Variants in LCT observed in about 807,000 individuals in gnomAD.
LCT encodes lactase/phlorizin hydrolase.
LCT carries 90 observed loss-of-function variants against 173.0 expected under a neutral mutation model. The ratio of observed to expected loss-of-function variants is 0.52; its 90% CI spans 0.44 to 0.62. The LOEUF is 0.62. LCT is among the 20% of genes least tolerant of loss of function. The probability of loss-of-function intolerance (pLI) is 0.00; values close to 1 mark genes in which losing one functional copy is unlikely to be tolerated. For missense variants in LCT, 1,864 were observed against 2,431.4 expected (o/e 0.77, Z 4.91); for synonymous variants, 853 against 957.6 (o/e 0.89, Z 2.02).
At chr2:135,835,356 A>T (rs1355898936) in intron 1 of LCT, among the ~76,000 whole-genome samples, 1 of 151,272 alleles carries the variant, frequency 6.6e-6, no homozygotes, top group East Asian at 1.9e-4. Flanking sequence ...GCCTCAAGCA[A>T]TCCCCCTGCC....
At position 135,790,761 on chromosome 2, in the gene LCT, T is replaced by C. The variant is rs1389449376; in HGVS notation, c.5232A>G (p.Pro1744=). Residue 1744 remains proline, a synonymous_variant, in exon 15 of 17, where the codon CCA becomes CCG. Coordinates refer to ENST00000264162, the MANE Select transcript of LCT (RefSeq NM_002299.4). The surrounding 1 kb of genome is among the most constrained non-coding windows in gnomAD (Gnocchi z 4.1). ...NWLKEEYNDP[P]IYVTENGVSQ... Reference sequence around the variant, plus strand: ...ACACTCCATTCTCTGTGACATAAATTGGAGGGTCATTGTATTCCTCCTTTA... The same window carrying C: ...ACACTCCATTCTCTGTGACATAAATCGGAGGGTCATTGTATTCCTCCTTTA... The C allele has an allele frequency of 6.2e-7, 1 of 1,613,894 alleles. No individual in the cohort carries two copies. The highest frequency in any genetic ancestry group is 1.7e-5 in the Admixed American group (1 of 60,020).
intron 1 of LCT, among the ~76,000 whole-genome samples, chr2:135,835,438 A>G (rs1220911712): frequency 6.9e-6 from 1 of 144,298 alleles, no homozygotes; most frequent in East Asian, 2.0e-4. Flanking sequence ...TAAAATGAGA[A>G]TATAGTCATA....
At chr2:135,805,210 C>T (rs1423636178) in intron 9 of LCT, among the ~76,000 whole-genome samples, 153 bp from the exon 10 acceptor site, 2 of 152,164 alleles carry the variant, frequency 1.3e-5, no homozygotes, top group East Asian at 1.9e-4. Context: ...TGGTGGCTCA[C>T]GCCGGCAACC....
chr2:135,822,195 A>G, intron 4 of LCT, 97 bp from the exon 5 acceptor site: 1 of 795,072 alleles, frequency 1.3e-6, no homozygotes. Flanking sequence ...GACACACCCA[A>G]ACTCCAAGCA....
At chr2:135,796,252 T>C (rs1318164085) in intron 13 of LCT, among the ~76,000 whole-genome samples, 2 of 152,240 alleles carry the variant, frequency 1.3e-5, no homozygotes, top group East Asian at 3.8e-4. Context: ...ACTTTCATCT[T>C]GACCTTTCTG....
Position 135,809,689 on chromosome 2 carries a change from C to A in LCT, c.2658G>T (p.Lys886Asn), listed in dbSNP as rs769460318. 6.2e-7 allele frequency: 1 copy of A among 1,614,134 alleles called. No individual in the cohort carries two copies. Among genetic ancestry groups the A allele is most frequent in the African/African-American group, 1.3e-5 (1 of 74,952 alleles). ...VPSKAKVVWE[K>N]FSSQPKFERD... The stretch of plus-strand genomic sequence containing the variant: ...TTTCGAACTTGGGTTGGCTGGAGAA[C>A]TTTTCCCAAACGACTTTAGCCTTGG... The change falls in exon 8 of 17, where the codon AAG becomes AAT. Residue 886 changes from lysine to asparagine, a missense_variant. By Grantham distance (94) the Lys-to-Asn change is moderately conservative. Around this residue, in one of 4 missense-constraint regions of LCT, gnomAD observed 755 missense variants for 926.3 expected, o/e 0.82. Coordinates refer to ENST00000264162, the MANE Select transcript of LCT (RefSeq NM_002299.4). The surrounding 1 kb of genome is among the most constrained non-coding windows in gnomAD (Gnocchi z 5.5).
intron 6 of LCT, among the ~76,000 whole-genome samples, chr2:135,815,104 C>G (rs1238314061): frequency 1.3e-5 from 2 of 152,156 alleles, no homozygotes; most frequent in Non-Finnish European, 2.9e-5. Context: ...CACCAGAACC[C>G]AAACATGCTG....
intron 11 of LCT, among the ~76,000 whole-genome samples, chr2:135,801,894 G>T (rs745865857): frequency 6.6e-6 from 1 of 152,012 alleles, no homozygotes; most frequent in Non-Finnish European, 1.5e-5. Flanking sequence ...TTTGAGACAG[G>T]GTCATGCACT....
At chr2:135,825,006 A>G (rs970826781) in intron 3 of LCT, among the ~76,000 whole-genome samples, 2 of 151,716 alleles carry the variant, frequency 1.3e-5, no homozygotes, top group African/African-American at 2.4e-5. Flanking sequence ...AAAAAAAAAA[A>G]AAAGAAAAAG....
Position 135,817,706 on chromosome 2 carries a change from C to A in LCT, c.1342G>T (p.Ala448Ser). Residue 448 changes from alanine to serine, a missense_variant, in exon 6 of 17, where the codon GCT (alanine) becomes TCT (serine). By Grantham distance (99) the Ala-to-Ser change is moderately conservative. This residue lies in a region of LCT where 183 missense variants were observed against 293.1 expected (regional missense o/e 0.62). Transcript: ENST00000264162. ...SDVALLCGLR[A>S]QVYKFSISWS... The stretch of plus-strand genomic sequence containing the variant: ...GAGATGGAGAACTTGTACACCTGAG[C>A]CCGGAGGCCGCAAAGCAGGGCGACG... 6.2e-7 allele frequency: 1 copy of A among 1,613,960 alleles called. No individual in the cohort carries two copies. The highest frequency in any genetic ancestry group is 8.5e-7 in the Non-Finnish European group (1 of 1,180,034).
intron 5 of LCT, among the ~76,000 whole-genome samples, chr2:135,818,430 C>A (rs1029564612): frequency 6.6e-6 from 1 of 152,186 alleles, no homozygotes; most frequent in Non-Finnish European, 1.5e-5. Context: ...CTTGATTCTG[C>A]GCTGGCCACT....
intron 9 of LCT, among the ~76,000 whole-genome samples, chr2:135,805,504 A>T (rs1351217622): frequency 1.3e-5 from 2 of 152,220 alleles, no homozygotes; most frequent in African/African-American, 2.4e-5. Context: ...TTTCTTGCAC[A>T]AAATAAAACC....
intron 13 of LCT, among the ~76,000 whole-genome samples, chr2:135,796,941 A>AT (rs997582132): frequency 0.064 from 7,561 of 118,718 alleles, 585 homozygotes; most frequent in African/African-American, 0.17. Flanking sequence ...TGGGAGCTGG[A>AT]TTTTTTTTTT....
chr2:135,794,947 G>A lies in LCT; in HGVS notation c.4977-172C>T, dbSNP rs3213892. On this transcript the variant is annotated intron_variant, in intron 13 of 16. Transcript: ENST00000264162. The stretch of plus-strand genomic sequence containing the variant: ...CTTCAGGCGGTGCAGGAAGCACTGC[G>A]GCTCCTCCAGCCAGACCATAAACCT... Among the ~76,000 whole-genome samples the A allele has an allele frequency of 0.19, 28,636 of 151,274 alleles. 3,002 individuals are homozygous for A. Among genetic ancestry groups the A allele is most frequent in the Middle Eastern group, 0.39 (116 of 294 alleles).
chr2:135,789,963 A>G (rs1172532884), intron 15 of LCT, among the ~76,000 whole-genome samples, 165 bp from the exon 16 acceptor site: 1 of 152,204 alleles, frequency 6.6e-6, no homozygotes, highest in African/African-American at 2.4e-5. Context: ...CTTTGCATGC[A>G]GTGACTGTTA....
At chr2:135,828,376 G>A (rs188549692) in intron 3 of LCT, among the ~76,000 whole-genome samples, 45 of 152,260 alleles carry the variant, frequency 3.0e-4, no homozygotes, top group Admixed American at 7.9e-4. Flanking sequence ...CCTTGGTGAC[G>A]GAGATGGTGG....
chr2:135,788,540 A>C lies in LCT; in HGVS notation c.5568T>G (p.Ala1856=). The change falls in exon 17 of 17, where the codon GCT becomes GCG. Residue 1856 remains alanine (A), a synonymous_variant. Coordinates refer to ENST00000264162, the MANE Select transcript of LCT (RefSeq NM_002299.4). ...GTCTCACGGGGCTGATGGTGGGTCC[A>C]GCATCTAGGAGAGTGTGACACAGGG... ...GPHACLHQPD[A]GPTISPVRQE... 1 of 1,605,110 alleles carries C rather than the reference A, an allele frequency of 6.2e-7. No homozygotes were observed. Among genetic ancestry groups the C allele is most frequent in the Non-Finnish European group, 8.5e-7 (1 of 1,173,596 alleles).
At chr2:135,791,332 G>A (rs373272533) in intron 14 of LCT, among the ~76,000 whole-genome samples, 4 of 152,330 alleles carry the variant, frequency 2.6e-5, no homozygotes, top group East Asian at 1.9e-4. Context: ...CCACAGGCAC[G>A]AATATTTGTA....
At chr2:135,800,003 C>T (rs769865320) in intron 12 of LCT, among the ~76,000 whole-genome samples, 8 of 152,172 alleles carry the variant, frequency 5.3e-5, no homozygotes, top group Non-Finnish European at 8.8e-5. Flanking sequence ...AAATTTCTCT[C>T]TAGGAGTTAA....
Sources: allele counts gnomAD v4.1 joint callset (sites outside exome capture counted in the v4.1 genomes callset), GRCh38; gene constraint gnomAD v4.1.1; regional missense constraint gnomAD v4.1.1; non-coding constraint Gnocchi (gnomAD v3.1); transcripts MANE v1.5; gene names NCBI Gene and HGNC (gene_info 2026-07-23, HGNC 2026-07-21).